The following TLR8 variants were observed in gnomAD, a reference collection of about 807,000 sequenced individuals.
The protein encoded by TLR8 is toll-like receptor 8.
A neutral mutation model predicts 18.5 loss-of-function variants in TLR8; 5 were observed. That is an observed-to-expected ratio of 0.27 (90% confidence interval 0.14 to 0.57). The LOEUF is 0.57. TLR8 is among the 20% of genes least tolerant of loss of function. TLR8 has a pLI of 0.92. For missense variants in TLR8, 543 were observed against 769.8 expected, an observed-to-expected ratio of 0.71 and a Z score of 3.49; for synonymous variants, 299 against 300.1, an observed-to-expected ratio of 1.00 and a Z score of 0.04.
At chrX:12,916,993 G>T (rs5744069) in intron 1 of TLR8, among the ~76,000 whole-genome samples, 52,281 of 110,139 alleles carry the variant, frequency 0.47, 9,546 homozygotes, top group East Asian at 0.79. Flanking sequence ...CCAGAAATAG[G>T]GCATCCAGTT....
Position 12,909,390 on chromosome X carries a change from A to T in TLR8, c.3+2681A>T, listed in dbSNP as rs941497088. ...CAGTGTGGCCCAGAGAAGCTGAAAG[A>T]TTGGACACCCCTGCTATAAGACACA... is the stretch of plus-strand genomic sequence containing the variant. On this transcript the variant is annotated intron_variant, in intron 1 of 1. Transcript: ENST00000218032. 4.5e-5 allele frequency among the ~76,000 whole-genome samples: 5 copies of T among 112,324 alleles called. No individual in the cohort carries two copies. In the East Asian group the frequency reaches 8.3e-4, roughly 19 times the overall value.
chrX:12,919,776 A>T lies in TLR8; in HGVS notation c.736A>T (p.Ile246Leu), dbSNP rs762250935. 4 of 1,211,795 alleles carry T rather than the reference A, an allele frequency of 3.3e-6. No homozygotes were observed. Reference protein sequence around the residue: ...YISEEDFKGLINLTLLDLSGN... With the variant: ...YISEEDFKGLLNLTLLDLSGN... ...TAGTGAAGAAGATTTCAAGGGATTG[A>T]TAAATTTAACATTACTAGATTTAAG... Residue 246 changes from isoleucine to leucine, a missense_variant, in exon 2 of 2, where the codon ATA becomes TTA. Coordinates refer to ENST00000218032, the MANE Select transcript of TLR8 (RefSeq NM_138636.5).
rs1210493005 is a variant in TLR8 at position 12,907,852 on chromosome X, A to C, written c.3+1143A>C. On this transcript the variant is annotated intron_variant, in intron 1 of 1. Coordinates refer to ENST00000218032, the MANE Select transcript of TLR8 (RefSeq NM_138636.5). ...TGAAGTTAATTTTTATACCCACCTA[A>C]TGTTCATTATGGATCTTGAAGGTAA... is the stretch of plus-strand genomic sequence containing the variant. Among the ~76,000 whole-genome samples, 3 of 111,129 alleles carry C rather than the reference A, an allele frequency of 2.7e-5. No individual in the cohort carries two copies. In the East Asian group the frequency reaches 8.5e-4, roughly 31 times the overall value.
chrX:12,919,099 G>A lies in TLR8; in HGVS notation c.59G>A (p.Gly20Asp), dbSNP rs866448188. 8 of 1,209,080 alleles carry A rather than the reference G, an allele frequency of 6.6e-6. No homozygotes were observed. ...ACCTGCATTTTCCTGCTAATATCTGGTTCCTGTGAGTTATGCGCCGAAGAA... is the reference window on the plus strand; with the variant it reads ...ACCTGCATTTTCCTGCTAATATCTGATTCCTGTGAGTTATGCGCCGAAGAA... Reference protein sequence around the residue: ...MLTCIFLLISGSCELCAEENF... With the variant: ...MLTCIFLLISDSCELCAEENF... The change falls in exon 2 of 2, where the codon GGT (glycine) becomes GAT (aspartate). Residue 20 changes from glycine (G) to aspartate (D), a missense_variant. This residue lies in a region of TLR8 where 117 missense variants were observed against 111.0 expected (regional missense o/e 1.05). Transcript: ENST00000218032.
chrX:12,906,816 G>C, intron 1 of TLR8, 107 bp downstream of exon 1: 1 of 651,547 alleles, frequency 1.5e-6, no homozygotes, highest in Non-Finnish European at 2.1e-6. Flanking sequence ...AGTAATAAAT[G>C]GGCAAATAAG....
At position 12,910,572 on chromosome X, in the gene TLR8, C is replaced by T. The variant is rs765216479; in HGVS notation, c.3+3863C>T. 290 of 729,651 alleles carry T rather than the reference C, an allele frequency of 4.0e-4. 1 individual carries two copies. The highest frequency in any genetic ancestry group is 5.3e-4 in the Non-Finnish European group (268 of 502,422). 60.1% of individuals were successfully genotyped at this position (729,651 alleles called of 1,213,427 possible). ...CCTTTGTGCCCACACATCTGGTCTCCGCCCTGGCTGCAGCCCTCCCCTTCA... is the reference window on the plus strand; with the variant it reads ...CCTTTGTGCCCACACATCTGGTCTCTGCCCTGGCTGCAGCCCTCCCCTTCA... On this transcript the variant is annotated intron_variant, in intron 1 of 1. Coordinates refer to ENST00000218032, the MANE Select transcript of TLR8 (RefSeq NM_138636.5).
At chrX:12,917,131 T>C (rs1323626384) in intron 1 of TLR8, among the ~76,000 whole-genome samples, 1 of 112,381 alleles carries the variant, frequency 8.9e-6, no homozygotes, top group Admixed American at 9.4e-5. Context: ...TATACTATAA[T>C]GTCATCACAG....
In TLR8 at chrX:12,919,094, A is replaced by C. The variant is rs2043074925; in HGVS notation, c.54A>C (p.Ile18=). ...TGCTGACCTGCATTTTCCTGCTAAT[A>C]TCTGGTTCCTGTGAGTTATGCGCCG... ...SSMLTCIFLL[I]SGSCELCAEE... is the part of the protein sequence containing the mutation. Residue 18 remains isoleucine (I), a synonymous_variant, in exon 2 of 2, where the codon ATA becomes ATC. Transcript: ENST00000218032. The C allele has an allele frequency of 8.3e-7, 1 of 1,211,000 alleles. No homozygotes were observed. The highest frequency in any genetic ancestry group is 1.1e-6 in the Non-Finnish European group (1 of 895,074).
In TLR8 at chrX:12,906,654, T is replaced by C. The variant is rs775797512; in HGVS notation, c.-53T>C. 8.4e-5 allele frequency: 89 copies of C among 1,062,548 alleles called. No homozygotes were observed. Among genetic ancestry groups the C allele is most frequent in the Non-Finnish European group, 1.0e-4 (84 of 821,669 alleles). 87.6% of individuals were successfully genotyped at this position (1,062,548 alleles called of 1,213,427 possible). On this transcript the variant is annotated 5_prime_UTR_variant, in exon 1 of 2. Coordinates refer to ENST00000218032, the MANE Select transcript of TLR8 (RefSeq NM_138636.5). Reference sequence around the variant, plus strand: ...TCTCGGCCACCTCCTGCATAGAGGGTACCATTCTGCGCTGCTGCAAGTTAC... The same window carrying C: ...TCTCGGCCACCTCCTGCATAGAGGGCACCATTCTGCGCTGCTGCAAGTTAC...
Position 12,919,146 on chromosome X carries a change from T to G in TLR8, c.106T>G (p.Cys36Gly). Residue 36 changes from cysteine to glycine, a missense_variant, in exon 2 of 2, where the codon TGT becomes GGT. Cys to Gly is a radical substitution (Grantham distance 159). Coordinates refer to ENST00000218032, the MANE Select transcript of TLR8 (RefSeq NM_138636.5). ...AGAAAATTTTTCTAGAAGCTATCCT[T>G]GTGATGAGAAAAAGCAAAATGACTC... ...AEENFSRSYP[C>G]DEKKQNDSVI... The G allele has an allele frequency of 8.3e-7, 1 of 1,211,919 alleles. No homozygotes were observed. The highest frequency in any genetic ancestry group is 1.1e-6 in the Non-Finnish European group (1 of 895,565).
rs2043106705 is a variant in TLR8 at position 12,922,973 on chromosome X, T to C, written c.*807T>C. On this transcript the variant is annotated 3_prime_UTR_variant, in exon 2 of 2. Coordinates refer to ENST00000218032, the MANE Select transcript of TLR8 (RefSeq NM_138636.5). ...GTTCGGTTTTATTTACAGTTGCTTTTACAAATATTTGCTGTAACATTTGAC... is the reference window on the plus strand; with the variant it reads ...GTTCGGTTTTATTTACAGTTGCTTTCACAAATATTTGCTGTAACATTTGAC... The C allele has an allele frequency of 8.9e-6, 1 of 112,497 alleles. No homozygotes were observed. The highest frequency in any genetic ancestry group is 1.9e-5 in the Non-Finnish European group (1 of 53,343). 9.3% of individuals were successfully genotyped at this position (112,497 alleles called of 1,213,427 possible).
chrX:12,921,545 G>A lies in TLR8; in HGVS notation c.2505G>A (p.Thr835=), dbSNP rs755564064. The part of the protein sequence containing the change: ...DVTAVILFFF[T]FFITTMVMLA... ...CTGCAGTGATATTATTTTTCTTCAC[G>A]TTCTTTATCACCACCATGGTTATGT... Residue 835 remains threonine (T), a synonymous_variant, in exon 2 of 2, where the codon ACG becomes ACA. Transcript: ENST00000218032. The A allele has an allele frequency of 2.5e-6, 3 of 1,211,598 alleles. No homozygotes were observed. The highest frequency in any genetic ancestry group is 2.2e-5 in the Admixed American group (1 of 45,995).
At chrX:12,917,429 G>A (rs1486556678) in intron 1 of TLR8, among the ~76,000 whole-genome samples, 1 of 112,360 alleles carries the variant, frequency 8.9e-6, no homozygotes, top group Admixed American at 9.4e-5. Context: ...CATAGTGAGA[G>A]TGTGACATAT....
At chrX:12,910,782 GCTGT>G (rs2043015858) in intron 1 of TLR8, among the ~76,000 whole-genome samples, 1 of 112,217 alleles carries the variant, frequency 8.9e-6, no homozygotes, top group African/African-American at 3.2e-5. Flanking sequence ...TTGTTGTTGT[GCTGT>G]CTGTTTCCTT....
intron 1 of TLR8, chrX:12,908,342 A>AAAC (rs751159011): frequency 0.32 from 34,900 of 108,627 alleles, 4,706 homozygotes; most frequent in East Asian, 0.8. Flanking sequence ...CTCTGTTTCA[A>AAAC]AACAACAACA....
At chrX:12,915,969 C>T (rs758787477) in intron 1 of TLR8, among the ~76,000 whole-genome samples, 5 of 110,537 alleles carry the variant, frequency 4.5e-5, no homozygotes, top group Non-Finnish European at 9.5e-5. Context: ...ACAACCTCTG[C>T]CTCCTGGGTT....
At chrX:12,910,514 A>G in intron 1 of TLR8, 14 of 1,069,630 alleles carry the variant, frequency 1.3e-5, no homozygotes, top group Non-Finnish European at 1.8e-5. Flanking sequence ...CACTACGTGG[A>G]ATTTATTTTA....
In TLR8 at chrX:12,921,111, G is replaced by C. The variant is rs1260728391; in HGVS notation, c.2071G>C (p.Glu691Gln). 1.7e-6 allele frequency: 2 copies of C among 1,209,489 alleles called. No homozygotes were observed. Among genetic ancestry groups the C allele is most frequent in the Admixed American group, 2.2e-5 (1 of 45,684 alleles). ...WTLLQQFPRLELLDLRGNKLL... is the reference protein window; with the variant it reads ...WTLLQQFPRLQLLDLRGNKLL... Reference sequence around the variant, plus strand: ...ATTACTCCAGCAGTTTCCTCGTCTCGAGTTGCTTGACTTACGTGGAAACAA... The same window carrying C: ...ATTACTCCAGCAGTTTCCTCGTCTCCAGTTGCTTGACTTACGTGGAAACAA... Residue 691 changes from glutamate (E) to glutamine (Q), a missense_variant, in exon 2 of 2, where the codon GAG becomes CAG. Transcript: ENST00000218032.
chrX:12,907,613 G>A (rs2042993352), intron 1 of TLR8, among the ~76,000 whole-genome samples: 1 of 111,517 alleles, frequency 9.0e-6, no homozygotes, highest in African/African-American at 3.3e-5. Flanking sequence ...TGCAACCTCC[G>A]CCTCCCGGGT....
Sources: allele counts gnomAD v4.1 joint callset (sites outside exome capture counted in the v4.1 genomes callset), GRCh38; gene constraint gnomAD v4.1.1; regional missense constraint gnomAD v4.1.1; transcripts MANE v1.5; gene names NCBI Gene and HGNC (gene_info 2026-07-23, HGNC 2026-07-21).